The following EYS variants were observed in gnomAD, a reference collection of about 807,000 sequenced individuals.
EYS encodes the protein protein eyes shut homolog.
In EYS, 250 loss-of-function variants were observed where a neutral mutation model predicts 282.1. The ratio of observed to expected loss-of-function variants is 0.89; its 90% CI spans 0.80 to 0.98. The LOEUF (loss-of-function observed/expected upper bound fraction) is 0.98, where lower values mean the gene tolerates loss of function less well. Among genes scored for constraint, EYS ranks in the 50% least tolerant of loss-of-function variants. The pLI is 0.00. For missense variants in EYS, 4,016 were observed against 3,709.0 expected, an observed-to-expected ratio of 1.08 and a Z score of -2.15; for synonymous variants, 1,355 against 1,282.9, an observed-to-expected ratio of 1.06 and a Z score of -1.20.
At chr6:65,283,893 T>C (rs944426418) in intron 12 of EYS, among the ~76,000 whole-genome samples, 1 of 152,152 alleles carries the variant, frequency 6.6e-6, no homozygotes, top group African/African-American at 2.4e-5. Context: ...AGCAGAAATC[T>C]GAACAATCTA....
chr6:65,445,244 A>G (rs1160779087), intron 5 of EYS, among the ~76,000 whole-genome samples: 1 of 151,878 alleles, frequency 6.6e-6, no homozygotes, highest in Non-Finnish European at 1.5e-5. Context: ...AACTTTTTGT[A>G]CTAGGTGGAA....
intron 13 of EYS, among the ~76,000 whole-genome samples, chr6:65,030,384 C>T (rs1007532374): frequency 6.6e-6 from 1 of 152,104 alleles, no homozygotes; most frequent in Admixed American, 6.5e-5. Flanking sequence ...ATGCACCCAA[C>T]TACGCACAGC....
chr6:65,231,117 ATATATATATACTTT>A (rs1164954730), intron 12 of EYS, among the ~76,000 whole-genome samples: 114 of 128,818 alleles, frequency 8.8e-4, no homozygotes, highest in African/African-American at 2.4e-3. Context: ...ATATGTATTT[ATATATATATACTTT>A]TATATATATA....
intron 29 of EYS, among the ~76,000 whole-genome samples, chr6:64,366,436 C>T (rs1392048176): frequency 2.0e-5 from 3 of 152,014 alleles, no homozygotes; most frequent in Non-Finnish European, 4.4e-5. Context: ...AACCAAATGG[C>T]TGAACTGTAA....
At chr6:63,880,661 C>A (rs1396364945) in intron 35 of EYS, among the ~76,000 whole-genome samples, 1 of 152,158 alleles carries the variant, frequency 6.6e-6, no homozygotes, top group African/African-American at 2.4e-5. Context: ...GATAATAAAT[C>A]ACTGCTTTGC....
At position 65,405,175 on chromosome 6, in the gene EYS, T is replaced by G. The variant is rs1582248744; in HGVS notation, c.1055A>C (p.Asn352Thr). Reference sequence around the variant, plus strand: ...CTTATATGTTAGATTGAGACTTACATTTGATATTTTGATGCAGTCAGTACC... The same window carrying G: ...CTTATATGTTAGATTGAGACTTACAGTTGATATTTTGATGCAGTCAGTACC... Reference protein sequence around the residue: ...QNGTDCIKISNDVMCICSPIF... With the variant: ...QNGTDCIKISTDVMCICSPIF... The change falls in exon 6 of 43, where the codon AAT becomes ACT. Residue 352 changes from asparagine to threonine, a missense_variant and splice_region_variant. By Grantham distance (65) the Asn-to-Thr change is moderately conservative (BLOSUM62 0). Coordinates refer to ENST00000503581, the MANE Select transcript of EYS (RefSeq NM_001142800.2). The G allele has an allele frequency of 6.2e-7, 1 of 1,608,800 alleles. No individual in the cohort carries two copies. Among genetic ancestry groups the G allele is most frequent in the African/African-American group, 1.3e-5 (1 of 74,914 alleles).
intron 15 of EYS, among the ~76,000 whole-genome samples, chr6:64,938,623 G>A (rs937199979): frequency 6.6e-6 from 1 of 151,674 alleles, no homozygotes; most frequent in East Asian, 1.9e-4. Flanking sequence ...TTTCAGTGGA[G>A]TATTCAATAA....
chr6:65,680,103 C>CAT (rs1275077643), intron 1 of EYS, among the ~76,000 whole-genome samples: 4 of 151,406 alleles, frequency 2.6e-5, no homozygotes, highest in Non-Finnish European at 5.9e-5. Flanking sequence ...CACACACACA[C>CAT]ACACACACAC....
At chr6:64,833,167 T>C (rs1241374181) in intron 19 of EYS, among the ~76,000 whole-genome samples, 1 of 151,954 alleles carries the variant, frequency 6.6e-6, no homozygotes, top group Admixed American at 6.6e-5. Flanking sequence ...TTCACTTATA[T>C]GTACATCACA....
chr6:65,359,128 G>A (rs1238658647), intron 8 of EYS, among the ~76,000 whole-genome samples: 1 of 151,910 alleles, frequency 6.6e-6, no homozygotes, highest in African/African-American at 2.4e-5. Context: ...AGCAAACAGT[G>A]AAATTAAGAC....
Position 63,984,254 on chromosome 6 carries a change from T to C in EYS, c.7055+129A>G, listed in dbSNP as rs980295353. 3.6e-5 allele frequency: 24 copies of C among 661,972 alleles called. No homozygotes were observed. In the African/African-American group the frequency reaches 4.1e-4, roughly 11 times the overall value. The allele number at this position is 661,972 out of a possible 1,614,324, so 41.0% of individuals were successfully genotyped here. ...CCACATGTGTGCATCATTTAGGTGA[T>C]GCATAGAAAAACTTGAGAATTCTGG... On this transcript the variant is annotated intron_variant, in intron 35 of 42. Transcript: ENST00000503581.
chr6:64,811,287 G>A lies in EYS; in HGVS notation c.3443+2091C>T, dbSNP rs546549422. Among the ~76,000 whole-genome samples, 23 of 152,114 alleles carry A rather than the reference G, an allele frequency of 1.5e-4. No homozygotes were observed. In the East Asian group the frequency reaches 4.5e-3, roughly 29 times the overall value. ...ACATTGAATCAGCAATGATAATTTT[G>A]GAGATAGATGACTCCTATTTAAATA... is the stretch of plus-strand genomic sequence containing the variant. On this transcript the variant is annotated intron_variant, in intron 22 of 42. Coordinates refer to ENST00000503581, the MANE Select transcript of EYS (RefSeq NM_001142800.2).
chr6:65,561,460 A>C (rs774337787), intron 2 of EYS, among the ~76,000 whole-genome samples: 3 of 152,190 alleles, frequency 2.0e-5, no homozygotes, highest in Middle Eastern at 3.4e-3. Flanking sequence ...TTTGTCATTG[A>C]ATTCAGACCC....
chr6:64,888,073 G>A (rs557762418), intron 18 of EYS, among the ~76,000 whole-genome samples: 1 of 151,992 alleles, frequency 6.6e-6, no homozygotes, highest in East Asian at 1.9e-4. Context: ...GTATTTCATT[G>A]TTTATGTATA....
chr6:64,611,653 C>T lies in EYS; in HGVS notation c.3684+5765G>A, dbSNP rs566259315. On this transcript the variant is annotated intron_variant, in intron 24 of 42. Coordinates refer to ENST00000503581, the MANE Select transcript of EYS (RefSeq NM_001142800.2). The stretch of plus-strand genomic sequence containing the variant: ...TATTAGAGAAAACTATCAAATTTCA[C>T]CCGAATAAGAGCATTATTGATTTTT... Among the ~76,000 whole-genome samples the T allele has an allele frequency of 9.9e-5, 15 of 152,228 alleles. No individual in the cohort carries two copies. In the South Asian group the frequency reaches 1.5e-3, roughly 15 times the overall value.
At chr6:64,730,628 C>A (rs1177236094) in intron 22 of EYS, among the ~76,000 whole-genome samples, 1 of 152,060 alleles carries the variant, frequency 6.6e-6, no homozygotes, top group Non-Finnish European at 1.5e-5. Context: ...CAGGCACGCA[C>A]CACCATGCCC....
At chr6:65,436,366 T>C (rs548633521) in intron 5 of EYS, among the ~76,000 whole-genome samples, 1 of 152,074 alleles carries the variant, frequency 6.6e-6, no homozygotes, top group Non-Finnish European at 1.5e-5. Context: ...AATGTTTTAT[T>C]TGAAAATGAG....
chr6:65,026,777 C>T (rs1772422385), intron 13 of EYS, among the ~76,000 whole-genome samples: 1 of 151,950 alleles, frequency 6.6e-6, no homozygotes, highest in Admixed American at 6.6e-5. Flanking sequence ...ATTAGCTGGG[C>T]GTGGTGGCGG....
intron 19 of EYS, among the ~76,000 whole-genome samples, chr6:64,846,155 G>A (rs1765707342): frequency 1.3e-5 from 2 of 152,202 alleles, no homozygotes; most frequent in Non-Finnish European, 2.9e-5. Flanking sequence ...ATTAATACTG[G>A]AAAAGTAAGT....
Sources: allele counts gnomAD v4.1 joint callset (sites outside exome capture counted in the v4.1 genomes callset), GRCh38; gene constraint gnomAD v4.1.1; transcripts MANE v1.5; gene names NCBI Gene and HGNC (gene_info 2026-07-23, HGNC 2026-07-21).